OTUB2: variants seen among roughly 807,000 people sequenced by gnomAD.
The protein encoded by OTUB2 is OTU deubiquitinase, ubiquitin aldehyde binding 2, also known as ubiquitin thioesterase OTUB2.
Under a neutral mutation model 25.1 loss-of-function variants are expected in OTUB2, and 21 were observed. The observed-to-expected ratio is 0.84, with a 90% CI of 0.59 to 1.21. The LOEUF is 1.21. Ranked by LOEUF, OTUB2 falls within the 50% of genes most tolerant of loss-of-function variation. The pLI, the probability that OTUB2 is intolerant of heterozygous loss-of-function variation, is 0.00. For synonymous variants in OTUB2, 122 were observed against 122.8 expected (o/e 0.99, Z 0.04); for missense variants, 283 against 298.0 (o/e 0.95, Z 0.37).
chr14:94,041,791 C>T (rs1885166137), intron 3 of OTUB2, among the ~76,000 whole-genome samples: 1 of 152,250 alleles, frequency 6.6e-6, no homozygotes, highest in African/African-American at 2.4e-5. Context: ...GGTAGCCCTG[C>T]TTCTGACCCG....
At chr14:94,033,760 G>A (rs534446755) in intron 1 of OTUB2, among the ~76,000 whole-genome samples, 3 of 152,190 alleles carry the variant, frequency 2.0e-5, no homozygotes, top group African/African-American at 7.2e-5. Flanking sequence ...AGTATTACCT[G>A]TTTGTCCTCT....
chr14:94,033,579 G>A (rs905593718), intron 1 of OTUB2, among the ~76,000 whole-genome samples: 3 of 152,146 alleles, frequency 2.0e-5, no homozygotes, highest in Non-Finnish European at 1.5e-5. Context: ...TCTACTTTTT[G>A]ATCTATGATT....
At chr14:94,036,846 TCTG>T (rs1885064186) in intron 1 of OTUB2, among the ~76,000 whole-genome samples, 1 of 152,178 alleles carries the variant, frequency 6.6e-6, no homozygotes, top group African/African-American at 2.4e-5. Context: ...TGCGGCCTCT[TCTG>T]GTGACCTTAT....
At chr14:94,041,027 G>A (rs1274312303) in intron 3 of OTUB2, among the ~76,000 whole-genome samples, 1 of 152,066 alleles carries the variant, frequency 6.6e-6, no homozygotes, top group African/African-American at 2.4e-5. Context: ...CAGGACAGAC[G>A]GGGGCGGAGA....
At chr14:94,044,528 T>G in intron 4 of OTUB2, 58 bp from the exon 5 acceptor site, 1 of 1,538,286 alleles carries the variant, frequency 6.5e-7, no homozygotes, top group Non-Finnish European at 8.8e-7. Flanking sequence ...GGAGGGAGAA[T>G]GCAGAGGGAG....
chr14:94,042,134 A>G (rs1595368249), intron 3 of OTUB2, among the ~76,000 whole-genome samples: 1 of 152,354 alleles, frequency 6.6e-6, no homozygotes, highest in East Asian at 1.9e-4. Context: ...AAGTATGCGA[A>G]GTACTTGTGT....
intron 1 of OTUB2, among the ~76,000 whole-genome samples, chr14:94,035,832 G>A (rs113810984): frequency 3.3e-5 from 5 of 152,064 alleles, no homozygotes; most frequent in Admixed American, 6.5e-5. Flanking sequence ...CCCCTTCTCC[G>A]TGCCAGGCCC....
chr14:94,028,159 T>G (rs754831098), intron 1 of OTUB2, among the ~76,000 whole-genome samples: 3 of 152,206 alleles, frequency 2.0e-5, no homozygotes, highest in African/African-American at 7.2e-5. Context: ...GGGGCTTGGG[T>G]GCCTTGGCGA....
chr14:94,032,049 T>C (rs530434854), intron 1 of OTUB2, among the ~76,000 whole-genome samples: 1 of 152,108 alleles, frequency 6.6e-6, no homozygotes, highest in Non-Finnish European at 1.5e-5. Flanking sequence ...GGAGCTTGAG[T>C]CTCTGGTCTT....
intron 1 of OTUB2, among the ~76,000 whole-genome samples, chr14:94,034,986 G>C (rs1242589816): frequency 6.6e-6 from 1 of 152,198 alleles, no homozygotes. Context: ...GATTCCATTA[G>C]TGAGGAGGAA....
At chr14:94,029,191 C>T (rs532515236) in intron 1 of OTUB2, among the ~76,000 whole-genome samples, 4 of 152,318 alleles carry the variant, frequency 2.6e-5, no homozygotes, top group East Asian at 3.9e-4. Flanking sequence ...ACCTCTCTGA[C>T]GATGAAGTGG....
At chr14:94,027,460 G>C (rs1884886703) in intron 1 of OTUB2, among the ~76,000 whole-genome samples, 1 of 152,248 alleles carries the variant, frequency 6.6e-6, no homozygotes, top group African/African-American at 2.4e-5. Flanking sequence ...CACAGCCCCA[G>C]GTTCAAGTCT....
chr14:94,026,947 G>C lies in OTUB2; in HGVS notation c.3+407G>C, dbSNP rs377761067. ...CACGGCCCCACCCACCCGACGGCTC[G>C]GCCGTCAAAGACCTCCTGGCCCCTG... On this transcript the variant is annotated intron_variant, in intron 1 of 5. Coordinates refer to ENST00000203664, the MANE Select transcript of OTUB2 (RefSeq NM_023112.4). Among the ~76,000 whole-genome samples the C allele has an allele frequency of 5.9e-5, 9 of 152,330 alleles. No individual in the cohort carries two copies. The South Asian group carries it at 8.3e-4, about 14-fold the overall frequency.
chr14:94,033,532 G>A (rs192897391), intron 1 of OTUB2, among the ~76,000 whole-genome samples: 30 of 152,266 alleles, frequency 2.0e-4, no homozygotes, highest in African/African-American at 6.3e-4. Context: ...TTTTGGTTTC[G>A]GGCAGTCCAA....
intron 5 of OTUB2, among the ~76,000 whole-genome samples, chr14:94,045,048 C>T (rs1048709908): frequency 1.3e-5 from 2 of 152,164 alleles, no homozygotes; most frequent in Non-Finnish European, 2.9e-5. Context: ...CAGTCATAGT[C>T]CAAGAGTCAC....
intron 2 of OTUB2, among the ~76,000 whole-genome samples, chr14:94,038,501 C>A (rs530910853): frequency 6.6e-6 from 1 of 152,330 alleles, no homozygotes; most frequent in South Asian, 2.1e-4. Context: ...GGATTCCAGG[C>A]CAGTTCAGAG....
chr14:94,028,887 G>T (rs1369563345), intron 1 of OTUB2, among the ~76,000 whole-genome samples: 1 of 152,204 alleles, frequency 6.6e-6, no homozygotes, highest in African/African-American at 2.4e-5. Context: ...GGATGTATAT[G>T]AGTGTTCAAG....
rs970120686 is a variant in OTUB2, at chr14:94,048,205, C to T, written c.*2283C>T. ...CAGCCAGTCACCCTGGCCAGTCCCACTTCCTGGATAATTCTCTACCCTCAC... is the reference window on the plus strand; with the variant it reads ...CAGCCAGTCACCCTGGCCAGTCCCATTTCCTGGATAATTCTCTACCCTCAC... On this transcript the variant is annotated 3_prime_UTR_variant, in exon 6 of 6. Transcript: ENST00000203664. The T allele has an allele frequency of 2.6e-5, 4 of 152,240 alleles. No individual in the cohort carries two copies. Among genetic ancestry groups the T allele is most frequent in the African/African-American group, 9.6e-5 (4 of 41,456 alleles). 9.4% of individuals were successfully genotyped at this position (152,240 alleles called of 1,614,324 possible). A position where few individuals can be genotyped will look rare whatever the true frequency, so the allele number is the denominator to read the frequency against.
Position 94,026,484 on chromosome 14 carries a change from C to A in OTUB2, c.-54C>A. 7.5e-7 allele frequency: 1 copy of A among 1,326,842 alleles called. No individual in the cohort carries two copies. Among genetic ancestry groups the A allele is most frequent in the South Asian group, 2.0e-5 (1 of 49,304 alleles). The allele number at this position is 1,326,842 out of a possible 1,614,324, so 82.2% of individuals were successfully genotyped here. On this transcript the variant is annotated 5_prime_UTR_variant, in exon 1 of 6. Coordinates refer to ENST00000203664, the MANE Select transcript of OTUB2 (RefSeq NM_023112.4). ...CCGCCCGCGCCTCCCGCGGCATTCC[C>A]GCACCGGATCGCTCCTCGCTGGGGC... is the stretch of plus-strand genomic sequence containing the variant.
Sources: allele counts gnomAD v4.1 joint callset (sites outside exome capture counted in the v4.1 genomes callset), GRCh38; gene constraint gnomAD v4.1.1; transcripts MANE v1.5; gene names NCBI Gene and HGNC (gene_info 2026-07-23, HGNC 2026-07-21).